The following CTNND2 variants were observed in gnomAD, a reference collection of about 807,000 sequenced individuals.
CTNND2 encodes catenin delta 2, also known as catenin delta-2.
In CTNND2, 22 loss-of-function variants were observed where a neutral mutation model predicts 144.4. The observed-to-expected ratio is 0.15, with a 90% confidence interval of 0.11 to 0.22. CTNND2 has a LOEUF of 0.22. Ranked by LOEUF, CTNND2 falls within the 10% of genes least tolerant of loss-of-function variation. The pLI is 1.00. For synonymous variants in CTNND2, 751 were observed against 695.6 expected (o/e 1.08, Z -1.25); for missense variants, 1,353 against 1,618.8 (o/e 0.84, Z 2.82).
chr5:11,183,129 T>C (rs1278617766), intron 11 of CTNND2, among the ~76,000 whole-genome samples: 2 of 152,232 alleles, frequency 1.3e-5, no homozygotes, highest in Non-Finnish European at 2.9e-5. Flanking sequence ...GTGAAGTTTA[T>C]ACATGACAAA....
intron 10 of CTNND2, among the ~76,000 whole-genome samples, chr5:11,225,792 T>C (rs1019564979): frequency 1.3e-5 from 2 of 152,222 alleles, no homozygotes; most frequent in Admixed American, 1.3e-4. Flanking sequence ...CCACAAAAGA[T>C]ATATTGAAAC....
intron 2 of CTNND2, among the ~76,000 whole-genome samples, chr5:11,566,361 G>A (rs1035218116): frequency 1.1e-4 from 16 of 152,054 alleles, no homozygotes; most frequent in African/African-American, 3.6e-4. Flanking sequence ...ACAAGATCTC[G>A]GCTGAATGTA....
At chr5:11,848,750 G>C (rs766333921) in intron 1 of CTNND2, among the ~76,000 whole-genome samples, 10 of 152,110 alleles carry the variant, frequency 6.6e-5, no homozygotes, top group Non-Finnish European at 1.3e-4. Context: ...TGGTATATGT[G>C]GATTGTGTAT....
intron 9 of CTNND2, among the ~76,000 whole-genome samples, chr5:11,259,786 C>A (rs1744672698): frequency 6.6e-6 from 1 of 152,150 alleles, no homozygotes; most frequent in African/African-American, 2.4e-5. Flanking sequence ...AATAAAAGAT[C>A]TGAAAAGAAC....
chr5:11,678,327 T>C (rs1784269673), intron 2 of CTNND2, among the ~76,000 whole-genome samples: 1 of 152,296 alleles, frequency 6.6e-6, no homozygotes, highest in East Asian at 1.9e-4. Flanking sequence ...GACTAGGTTT[T>C]CTGAAGCAGT....
At chr5:11,291,270 T>C (rs1041596502) in intron 9 of CTNND2, among the ~76,000 whole-genome samples, 1 of 152,144 alleles carries the variant, frequency 6.6e-6, no homozygotes. Flanking sequence ...TTTTCAATAA[T>C]ATTAAATATA....
intron 1 of CTNND2, among the ~76,000 whole-genome samples, chr5:11,770,846 C>T (rs1177968948): frequency 6.6e-6 from 1 of 152,000 alleles, no homozygotes; most frequent in East Asian, 1.9e-4. Context: ...GACAAAGAGA[C>T]TGGGACTTGG....
chr5:11,364,633 G>A, intron 8 of CTNND2, 63 bp downstream of exon 8: 2 of 1,369,976 alleles, frequency 1.5e-6, no homozygotes, highest in Non-Finnish European at 9.7e-7. Flanking sequence ...GAGTGTTATT[G>A]AAGCTCCCGC....
At chr5:11,451,941 T>C (rs1176501616) in intron 3 of CTNND2, among the ~76,000 whole-genome samples, 2 of 152,200 alleles carry the variant, frequency 1.3e-5, no homozygotes, top group East Asian at 1.9e-4. Context: ...CTGGCAACCA[T>C]GGAATTCCAA....
intron 1 of CTNND2, among the ~76,000 whole-genome samples, chr5:11,813,807 C>T (rs1792480078): frequency 6.6e-6 from 1 of 152,208 alleles, no homozygotes. Context: ...AGCCACCCCA[C>T]TCAGCCTAGA....
At chr5:11,844,043 T>C (rs552596154) in intron 1 of CTNND2, among the ~76,000 whole-genome samples, 112 of 152,178 alleles carry the variant, frequency 7.4e-4, no homozygotes, top group Non-Finnish European at 1.1e-3. Context: ...TCAAGCTCAA[T>C]CTGTTTATGA....
At chr5:11,216,407 C>T (rs189382552) in intron 10 of CTNND2, among the ~76,000 whole-genome samples, 24 of 152,268 alleles carry the variant, frequency 1.6e-4, no homozygotes, top group East Asian at 9.6e-4. Context: ...CTTTCAAAGC[C>T]GAAGAGAGTG....
intron 9 of CTNND2, among the ~76,000 whole-genome samples, chr5:11,309,441 T>C (rs1411471213): frequency 6.6e-6 from 1 of 152,190 alleles, no homozygotes; most frequent in African/African-American, 2.4e-5. Context: ...CCCTGCTGGG[T>C]TGTAAACTTG....
intron 3 of CTNND2, among the ~76,000 whole-genome samples, chr5:11,457,904 G>A (rs180688019): frequency 6.6e-5 from 10 of 152,212 alleles, no homozygotes; most frequent in African/African-American, 1.2e-4. Flanking sequence ...CTCAACAACC[G>A]TGATGGCTGA....
chr5:11,312,235 C>G (rs954371746), intron 9 of CTNND2, among the ~76,000 whole-genome samples: 24 of 149,944 alleles, frequency 1.6e-4, no homozygotes, highest in Non-Finnish European at 3.0e-5. Context: ...CAGCCTCACC[C>G]CACACTCACA....
intron 2 of CTNND2, among the ~76,000 whole-genome samples, chr5:11,692,906 C>G (rs1187822701): frequency 4.6e-5 from 7 of 152,098 alleles, no homozygotes. Flanking sequence ...CCAGCTGGGT[C>G]AACATTTTTA....
At chr5:11,843,012 A>G (rs1476588119) in intron 1 of CTNND2, among the ~76,000 whole-genome samples, 4 of 152,204 alleles carry the variant, frequency 2.6e-5, no homozygotes, top group Non-Finnish European at 4.4e-5. Context: ...GTCTAGAAAC[A>G]AGAATTAGAA....
chr5:11,835,661 C>T (rs932685660), intron 1 of CTNND2, among the ~76,000 whole-genome samples: 2 of 152,106 alleles, frequency 1.3e-5, no homozygotes, highest in Non-Finnish European at 2.9e-5. Context: ...ACGATATTCC[C>T]AGTTTTGTTG....
intron 1 of CTNND2, among the ~76,000 whole-genome samples, chr5:11,766,913 C>A (rs1283570888): frequency 6.6e-6 from 1 of 152,036 alleles, no homozygotes; most frequent in African/African-American, 2.4e-5. Context: ...AAAAGAGAAC[C>A]AGGAAACTGA....
Sources: gnomAD v4.1 joint callset for allele counts (sites outside exome capture counted in the v4.1 genomes callset) on GRCh38, gnomAD v4.1.1 for gene constraint, MANE v1.5 for transcripts, NCBI Gene and HGNC (gene_info 2026-07-23, HGNC 2026-07-21) for gene names.